Variants in GPHN observed in about 807,000 individuals in gnomAD.
GPHN encodes gephyrin.
A neutral mutation model predicts 95.5 loss-of-function variants in GPHN; 17 were observed. The observed-to-expected ratio is 0.18, with a 90% CI of 0.12 to 0.27. The LOEUF (loss-of-function observed/expected upper bound fraction) is 0.27. Among genes scored for constraint, GPHN ranks in the 10% least tolerant of loss-of-function variants. GPHN has a pLI of 1.00. For missense variants in GPHN, 660 were observed against 978.1 expected (o/e 0.67, Z 4.34); for synonymous variants, 320 against 322.5 (o/e 0.99, Z 0.08).
chr14:66,885,184 C>G (rs918465025), intron 5 of GPHN, among the ~76,000 whole-genome samples: 7 of 151,362 alleles, frequency 4.6e-5, no homozygotes, highest in African/African-American at 1.5e-4. Context: ...TTTTTTTAAC[C>G]CACACCAAAT....
chr14:66,531,270 G>A (rs185859631), intron 1 of GPHN, among the ~76,000 whole-genome samples: 1 of 152,030 alleles, frequency 6.6e-6, no homozygotes, highest in Non-Finnish European at 1.5e-5. Context: ...ACTGGACTTG[G>A]ATTTTCAAAT....
chr14:67,509,682 C>T, the GPHN span, among the ~76,000 whole-genome samples: 1 of 152,166 alleles, frequency 6.6e-6, no homozygotes, highest in Non-Finnish European at 1.5e-5. Flanking sequence ...AACATTTGGT[C>T]TATTATCTGA....
In GPHN at chr14:66,779,386, A is replaced by C. The variant is rs576995978; in HGVS notation, c.201+2865A>C. Among the ~76,000 whole-genome samples the C allele has an allele frequency of 2.4e-3, 366 of 152,308 alleles. 4 individuals carry two copies. Among genetic ancestry groups the C allele is most frequent in the African/African-American group, 8.3e-3 (345 of 41,572 alleles). ...ATCAAATGTTGTTAAAGGGTTGGAA[A>C]AGCATGAGGATATTACTTCTTGAAA... On this transcript the variant is annotated intron_variant, in intron 3 of 22. Coordinates refer to ENST00000478722, the MANE Select transcript of GPHN (RefSeq NM_020806.5).
At chr14:67,028,352 T>C (rs999714224) in intron 10 of GPHN, among the ~76,000 whole-genome samples, 38 of 152,348 alleles carry the variant, frequency 2.5e-4, no homozygotes, top group African/African-American at 7.5e-4. Flanking sequence ...TCTTTTGATA[T>C]GCTGATTTCC....
At chr14:67,733,232 G>A in the GPHN span, among the ~76,000 whole-genome samples, 2 of 152,136 alleles carry the variant, frequency 1.3e-5, no homozygotes, top group Non-Finnish European at 2.9e-5. Flanking sequence ...CAAATCTGGA[G>A]GGCTTGGTCT....
chr14:67,066,002 C>T (rs1044903701), intron 11 of GPHN, among the ~76,000 whole-genome samples: 2 of 151,964 alleles, frequency 1.3e-5, no homozygotes, highest in African/African-American at 4.8e-5. Context: ...GTTATTTTAC[C>T]TGTTAATTGA....
intron 1 of GPHN, among the ~76,000 whole-genome samples, chr14:66,549,618 C>T (rs1217655202): frequency 6.6e-6 from 1 of 152,052 alleles, no homozygotes; most frequent in Non-Finnish European, 1.5e-5. Flanking sequence ...TAGTTAAGAT[C>T]ATTGATTAAG....
chr14:67,205,465 T>C, the GPHN span, among the ~76,000 whole-genome samples: 1 of 152,176 alleles, frequency 6.6e-6, no homozygotes, highest in African/African-American at 2.4e-5. Context: ...TAATACAATG[T>C]AAGGGTTAAT....
the GPHN span, chr14:67,678,328 AT>A: frequency 1.9e-5 from 31 of 1,609,472 alleles, no homozygotes; most frequent in East Asian, 6.5e-4. Flanking sequence ...CTGTTAGTCT[AT>A]TGGGAGGCCC....
chr14:67,411,039 A>C, the GPHN span, among the ~76,000 whole-genome samples: 1,801 of 148,788 alleles, frequency 0.012, 16 homozygotes, highest in Non-Finnish European at 0.018. Context: ...CCCAGCTACT[A>C]GGGAAGCTGA....
At chr14:67,425,107 C>T in the GPHN span, among the ~76,000 whole-genome samples, 1 of 152,132 alleles carries the variant, frequency 6.6e-6, no homozygotes, top group Non-Finnish European at 1.5e-5. Flanking sequence ...GTTTTAGAGA[C>T]AGGGTCTCAC....
chr14:67,580,844 T>C, the GPHN span: 1 of 790,650 alleles, frequency 1.3e-6, no homozygotes, highest in Non-Finnish European at 2.1e-6. Flanking sequence ...TTAGTTTTCT[T>C]TGCTCTTCTG....
chr14:67,133,884 T>C (rs2079878092), intron 17 of GPHN, among the ~76,000 whole-genome samples: 1 of 152,184 alleles, frequency 6.6e-6, no homozygotes, highest in Non-Finnish European at 1.5e-5. Flanking sequence ...ATGAATGTCA[T>C]GGCTTTAGGA....
At chr14:66,666,766 G>T (rs186454804) in intron 1 of GPHN, among the ~76,000 whole-genome samples, 85 of 152,254 alleles carry the variant, frequency 5.6e-4, no homozygotes, top group African/African-American at 1.9e-3. Context: ...GTTCAACATA[G>T]TATTGGAATT....
chr14:67,084,304 G>A (rs1432928679), intron 11 of GPHN, among the ~76,000 whole-genome samples: 2 of 152,106 alleles, frequency 1.3e-5, no homozygotes, highest in Non-Finnish European at 2.9e-5. Context: ...TCATTAGTCT[G>A]CTTAAAAATC....
chr14:66,775,502 A>T (rs117185321), intron 2 of GPHN, among the ~76,000 whole-genome samples: 1,831 of 152,318 alleles, frequency 0.012, 19 homozygotes, highest in Non-Finnish European at 0.018. Context: ...TTAACCCAAT[A>T]TATCAAAATG....
intron 22 of GPHN, among the ~76,000 whole-genome samples, chr14:67,179,909 T>C (rs2083234039): frequency 6.6e-6 from 1 of 152,244 alleles, no homozygotes; most frequent in Non-Finnish European, 1.5e-5. Flanking sequence ...AATGTCCACA[T>C]ATCATTGACT....
chr14:67,347,187 C>T, the GPHN span, among the ~76,000 whole-genome samples: 8 of 152,072 alleles, frequency 5.3e-5, no homozygotes, highest in Non-Finnish European at 2.9e-5. Flanking sequence ...GATTTGCCTG[C>T]CTCAGCCTCC....
At chr14:66,650,488 C>T (rs1247998255) in intron 1 of GPHN, among the ~76,000 whole-genome samples, 1 of 152,124 alleles carries the variant, frequency 6.6e-6, no homozygotes, top group Non-Finnish European at 1.5e-5. Context: ...GGAGAGGCTG[C>T]AATTCAAAAG....
Sources: gnomAD v4.1 joint callset for allele counts (sites outside exome capture counted in the v4.1 genomes callset) on GRCh38, gnomAD v4.1.1 for gene constraint, MANE v1.5 for transcripts, NCBI Gene and HGNC (gene_info 2026-07-23, HGNC 2026-07-21) for gene names.